Variants in NELL1 observed in about 807,000 individuals in gnomAD.
NELL1 encodes protein kinase C-binding protein NELL1.
NELL1 carries 76 observed loss-of-function variants against 107.4 expected under a neutral mutation model. That is an observed-to-expected ratio of 0.71 (90% CI 0.59 to 0.86). The LOEUF is 0.86. NELL1 is among the 40% of genes least tolerant of loss of function. The probability of loss-of-function intolerance (pLI) is 0.00; values close to 1 mark genes in which losing one functional copy is unlikely to be tolerated. For missense variants in NELL1, 1,024 were observed against 1,005.5 expected, an observed-to-expected ratio of 1.02 and a Z score of -0.25; for synonymous variants, 353 against 341.2, an observed-to-expected ratio of 1.03 and a Z score of -0.38.
At chr11:21,125,805 A>G (rs907049458) in intron 13 of NELL1, among the ~76,000 whole-genome samples, 3 of 152,224 alleles carry the variant, frequency 2.0e-5, no homozygotes, top group Non-Finnish European at 4.4e-5. Flanking sequence ...TTATTGATCT[A>G]CAATGTGAAC....
At chr11:21,064,903 C>T (rs1853831538) in intron 12 of NELL1, among the ~76,000 whole-genome samples, 1 of 152,150 alleles carries the variant, frequency 6.6e-6, no homozygotes, top group Non-Finnish European at 1.5e-5. Context: ...TTTGATTCCT[C>T]AGCAATCATT....
intron 12 of NELL1, among the ~76,000 whole-genome samples, chr11:20,964,627 G>T (rs1390300400): frequency 6.6e-6 from 1 of 152,164 alleles, no homozygotes; most frequent in Non-Finnish European, 1.5e-5. Flanking sequence ...AGAGCTTTCT[G>T]CCTGACTTAA....
At chr11:21,470,208 G>C (rs1276361964) in intron 15 of NELL1, among the ~76,000 whole-genome samples, 1 of 152,008 alleles carries the variant, frequency 6.6e-6, no homozygotes, top group Non-Finnish European at 1.5e-5. Flanking sequence ...AAGTAATCAT[G>C]CTAAGAGCTC....
At chr11:21,522,984 A>G (rs1591003764) in intron 15 of NELL1, among the ~76,000 whole-genome samples, 1 of 151,308 alleles carries the variant, frequency 6.6e-6, no homozygotes, top group East Asian at 2.0e-4. Context: ...AGCTGGGACT[A>G]CAGGCGCCCA....
At chr11:21,274,940 G>C (rs1848821501) in intron 14 of NELL1, among the ~76,000 whole-genome samples, 1 of 152,162 alleles carries the variant, frequency 6.6e-6, no homozygotes, top group South Asian at 2.1e-4. Context: ...GCCCACAAGA[G>C]AAAGCAAGAA....
At chr11:21,272,020 G>C (rs1165382709) in intron 14 of NELL1, among the ~76,000 whole-genome samples, 2 of 152,222 alleles carry the variant, frequency 1.3e-5, no homozygotes, top group Admixed American at 6.5e-5. Context: ...CTGAGGTACT[G>C]GGTTCATCTC....
intron 12 of NELL1, among the ~76,000 whole-genome samples, chr11:21,072,259 C>T (rs568341151): frequency 1.2e-4 from 19 of 152,098 alleles, no homozygotes; most frequent in African/African-American, 3.1e-4. Context: ...TAAGCACAAG[C>T]GCAATGGCCC....
intron 5 of NELL1, among the ~76,000 whole-genome samples, chr11:20,902,282 T>G (rs1450996386): frequency 6.6e-6 from 1 of 152,140 alleles, no homozygotes; most frequent in Non-Finnish European, 1.5e-5. Flanking sequence ...AACCTTTTTT[T>G]TTTAACTCAA....
intron 13 of NELL1, among the ~76,000 whole-genome samples, chr11:21,219,514 GC>G (rs1857699255): frequency 6.6e-6 from 1 of 151,954 alleles, no homozygotes; most frequent in South Asian, 2.1e-4. Flanking sequence ...TAGTTTTGTT[GC>G]CTGTACTTTT....
chr11:21,130,156 G>A (rs185367106), intron 13 of NELL1, among the ~76,000 whole-genome samples: 2 of 151,904 alleles, frequency 1.3e-5, no homozygotes, highest in Non-Finnish European at 2.9e-5. Context: ...TCATCTGCTC[G>A]ATGACTTAGG....
intron 5 of NELL1, among the ~76,000 whole-genome samples, chr11:20,902,809 T>A (rs972348951): frequency 2.6e-5 from 4 of 151,958 alleles, no homozygotes; most frequent in African/African-American, 9.7e-5. Flanking sequence ...AATTGATGAA[T>A]TGCTAAAGTA....
chr11:21,346,135 A>G (rs547980325), intron 14 of NELL1, among the ~76,000 whole-genome samples: 81 of 152,316 alleles, frequency 5.3e-4, no homozygotes, highest in Non-Finnish European at 9.1e-4. Flanking sequence ...GCTGGACTCA[A>G]GACTTCCAAA....
At chr11:21,082,896 T>C (rs1181035733) in intron 12 of NELL1, among the ~76,000 whole-genome samples, 3 of 152,228 alleles carry the variant, frequency 2.0e-5, no homozygotes, top group Admixed American at 6.5e-5. Flanking sequence ...GAAATTAAAT[T>C]ATTGTTACTA....
intron 14 of NELL1, chr11:21,262,546 T>G (rs958810570): frequency 6.6e-6 from 1 of 151,956 alleles, no homozygotes; most frequent in African/African-American, 2.4e-5. Context: ...ACCTTCACTC[T>G]TGACTGGCAA....
intron 2 of NELL1, among the ~76,000 whole-genome samples, chr11:20,706,873 A>G (rs942432229): frequency 2.6e-5 from 4 of 152,142 alleles, no homozygotes; most frequent in South Asian, 2.1e-4. Flanking sequence ...TGCTCTTCTC[A>G]AGGAGTATCT....
intron 12 of NELL1, among the ~76,000 whole-genome samples, chr11:21,032,692 A>G (rs1360236486): frequency 6.6e-6 from 1 of 152,170 alleles, no homozygotes; most frequent in Non-Finnish European, 1.5e-5. Flanking sequence ...CAGCCGATGT[A>G]GGATGTTTTA....
rs541114502 is a variant in NELL1, at chr11:20,828,148, T to G, written c.336-19435T>G. ...GACTTTATATCTTTGAACTTCAGCTTCTTCATCTGTAAACTAGGTATAATC... is the reference window on the plus strand; with the variant it reads ...GACTTTATATCTTTGAACTTCAGCTGCTTCATCTGTAAACTAGGTATAATC... On this transcript the variant is annotated intron_variant, in intron 3 of 19. Coordinates refer to ENST00000357134, the MANE Select transcript of NELL1 (RefSeq NM_006157.5). Among the ~76,000 whole-genome samples, 13 of 151,470 alleles carry G rather than the reference T, an allele frequency of 8.6e-5. No individual in the cohort carries two copies. In the South Asian group the frequency reaches 2.7e-3, roughly 31 times the overall value.
chr11:20,674,443 A>C (rs1853999359), intron 1 of NELL1: 1 of 1,428,874 alleles, frequency 7.0e-7, no homozygotes, highest in Non-Finnish European at 9.5e-7. Flanking sequence ...AACAGGTACC[A>C]GTATCTTTTT....
chr11:20,980,645 T>C (rs527694545), intron 12 of NELL1, among the ~76,000 whole-genome samples: 4 of 152,342 alleles, frequency 2.6e-5, no homozygotes, highest in African/African-American at 9.6e-5. Flanking sequence ...TTTAAGATAG[T>C]AACTTGACAA....
Sources: gnomAD v4.1 joint callset for allele counts (sites outside exome capture counted in the v4.1 genomes callset) on GRCh38, gnomAD v4.1.1 for gene constraint, MANE v1.5 for transcripts, NCBI Gene and HGNC (gene_info 2026-07-23, HGNC 2026-07-21) for gene names.